PLAC1: variants seen among roughly 807,000 people sequenced by gnomAD.
The protein encoded by PLAC1 is placenta associated 1, also known as placenta-specific protein 1.
For synonymous variants in PLAC1, 68 were observed against 62.1 expected, an observed-to-expected ratio of 1.09 and a Z score of -0.44; for missense variants, 136 against 163.2, an observed-to-expected ratio of 0.83 and a Z score of 0.91.
chrX:134,640,048 G>T (rs940660583), intron 1 of PLAC1, among the ~76,000 whole-genome samples: 1 of 111,945 alleles, frequency 8.9e-6, no homozygotes, highest in Non-Finnish European at 1.9e-5. Flanking sequence ...ACATGTGCTT[G>T]TACTCATTTG....
chrX:134,580,767 G>A (rs995353959), intron 2 of PLAC1, among the ~76,000 whole-genome samples: 16 of 112,036 alleles, frequency 1.4e-4, no homozygotes, highest in African/African-American at 5.2e-4. Flanking sequence ...TGGACTTCTT[G>A]TCAGCACACA....
At chrX:134,635,869 A>G (rs774412032) in intron 1 of PLAC1, among the ~76,000 whole-genome samples, 2 of 112,301 alleles carry the variant, frequency 1.8e-5, no homozygotes, top group Admixed American at 9.5e-5. Flanking sequence ...CATCAACTGC[A>G]AAACTCTGTA....
chrX:134,633,987 T>C (rs183880407), intron 1 of PLAC1, among the ~76,000 whole-genome samples: 5 of 111,387 alleles, frequency 4.5e-5, no homozygotes, highest in Non-Finnish European at 9.4e-5. Flanking sequence ...TTCTGGTCCA[T>C]GTCCTGCCAC....
At chrX:134,693,096 C>A in intron 2 of PLAC1, among the ~76,000 whole-genome samples, 1 of 111,775 alleles carries the variant, frequency 8.9e-6, no homozygotes, top group Non-Finnish European at 1.9e-5. Flanking sequence ...AATCACATGG[C>A]CCTGGCTTCC....
intron 1 of PLAC1, among the ~76,000 whole-genome samples, chrX:134,760,629 TGTTAG>T (rs746279871): frequency 1.1e-4 from 12 of 108,235 alleles, no homozygotes; most frequent in Non-Finnish European, 1.7e-4. Context: ...CAAGATACAG[TGTTAG>T]GTTAAAAAAA....
chrX:134,671,630 C>A (rs1370595914), intron 2 of PLAC1, among the ~76,000 whole-genome samples: 1 of 108,571 alleles, frequency 9.2e-6, no homozygotes, highest in Middle Eastern at 4.2e-3. Context: ...AGGGAAAGTG[C>A]CACACACTTT....
intron 1 of PLAC1, among the ~76,000 whole-genome samples, chrX:134,643,884 C>A (rs1042988178): frequency 2.4e-4 from 26 of 108,610 alleles, no homozygotes; most frequent in African/African-American, 8.7e-4. Context: ...TGACCTTGGG[C>A]AAGTTACTTA....
At chrX:134,669,424 A>G (rs2078447634) in intron 2 of PLAC1, among the ~76,000 whole-genome samples, 1 of 112,544 alleles carries the variant, frequency 8.9e-6, no homozygotes, top group South Asian at 3.7e-4. Flanking sequence ...TAATATGTGT[A>G]AAGAAGGTAG....
chrX:134,571,597 A>G (rs1292619916), intron 2 of PLAC1, among the ~76,000 whole-genome samples: 1 of 112,022 alleles, frequency 8.9e-6, no homozygotes, highest in East Asian at 2.8e-4. Context: ...TTAATGTTTT[A>G]TAATGAAGAG....
chrX:134,613,341 A>T (rs1475678657), intron 1 of PLAC1, among the ~76,000 whole-genome samples: 1 of 110,626 alleles, frequency 9.0e-6, no homozygotes, highest in Non-Finnish European at 1.9e-5. Context: ...TTCCCACCTG[A>T]AAAGACTCAC....
chrX:134,577,676 AG>A (rs1456959313), intron 2 of PLAC1, among the ~76,000 whole-genome samples: 1 of 109,703 alleles, frequency 9.1e-6, no homozygotes, highest in Non-Finnish European at 1.9e-5. Flanking sequence ...CAACAGAGAG[AG>A]AGACTCCACC....
At chrX:134,760,070 A>C (rs925859356) in intron 1 of PLAC1, 3 of 112,203 alleles carry the variant, frequency 2.7e-5, no homozygotes, top group Non-Finnish European at 5.6e-5. Context: ...TGGACACCCT[A>C]AATACTCTGA....
At chrX:134,622,008 T>C (rs1018884244) in intron 1 of PLAC1, among the ~76,000 whole-genome samples, 3 of 111,595 alleles carry the variant, frequency 2.7e-5, no homozygotes, top group Non-Finnish European at 5.6e-5. Flanking sequence ...GGCTCAGAAT[T>C]GAAACTGTCT....
At chrX:134,670,230 G>T (rs1290191515) in intron 2 of PLAC1, among the ~76,000 whole-genome samples, 1 of 110,001 alleles carries the variant, frequency 9.1e-6, no homozygotes, top group African/African-American at 3.3e-5. Context: ...CCACCCTGGG[G>T]ACTGTCCTCC....
At chrX:134,764,081 C>T (rs1179913477) in intron 1 of PLAC1, among the ~76,000 whole-genome samples, 1 of 111,731 alleles carries the variant, frequency 9.0e-6, no homozygotes, top group Non-Finnish European at 1.9e-5. Flanking sequence ...ATCATTTACT[C>T]AAGACGTATT....
chrX:134,706,203 A>G (rs1478208094), intron 2 of PLAC1, among the ~76,000 whole-genome samples: 1 of 112,934 alleles, frequency 8.9e-6, no homozygotes, highest in Non-Finnish European at 1.9e-5. Context: ...TACAGAAAAA[A>G]ACACTCCTAT....
chrX:134,735,429 T>TA (rs757211846), intron 1 of PLAC1, among the ~76,000 whole-genome samples: 9,464 of 102,212 alleles, frequency 0.093, 661 homozygotes, highest in African/African-American at 0.24. Flanking sequence ...AAAGATTTGT[T>TA]AAAAAAAAAA....
intron 2 of PLAC1, among the ~76,000 whole-genome samples, chrX:134,703,936 A>G (rs758712759): frequency 9.3e-6 from 1 of 107,143 alleles, no homozygotes; most frequent in Non-Finnish European, 1.9e-5. Flanking sequence ...ATATATCTCT[A>G]TGCAATCTGT....
rs2078080450 is a variant in PLAC1, at chrX:134,599,876, A to T, written c.-59+2175T>A. Among the ~76,000 whole-genome samples, 4 of 111,589 alleles carry T rather than the reference A, an allele frequency of 3.6e-5. No individual in the cohort carries two copies. In the South Asian group the frequency reaches 1.5e-3, roughly 42 times the overall value. On this transcript the variant is annotated intron_variant, in intron 2 of 2. Coordinates refer to ENST00000359237, the MANE Select transcript of PLAC1 (RefSeq NM_021796.4). ...AAGGGAGGGATTTGTGGTATCTTAA[A>T]GCCATTGGATTTTATTTATTTCCAG...
Sources: gnomAD v4.1 joint callset for allele counts (sites outside exome capture counted in the v4.1 genomes callset) on GRCh38, gnomAD v4.1.1 for gene constraint, MANE v1.5 for transcripts, NCBI Gene and HGNC (gene_info 2026-07-23, HGNC 2026-07-21) for gene names.